IQCK: variants seen among roughly 807,000 people sequenced by gnomAD.
The protein encoded by IQCK is IQ motif containing K.
In IQCK, 29 loss-of-function variants were observed where a neutral mutation model predicts 28.1. The ratio of observed to expected loss-of-function variants is 1.03; its 90% confidence interval spans 0.77 to 1.41. The LOEUF is 1.41. Among genes scored for constraint, IQCK ranks in the 40% most tolerant of loss-of-function variants. The pLI is 0.00. For synonymous variants in IQCK, 113 were observed against 115.1 expected (o/e 0.98, Z 0.12); for missense variants, 359 against 314.7 (o/e 1.14, Z -1.07).
At chr16:19,783,467 C>T (rs748447293) in intron 6 of IQCK, among the ~76,000 whole-genome samples, 9 of 152,170 alleles carry the variant, frequency 5.9e-5, no homozygotes, top group Non-Finnish European at 1.3e-4. Flanking sequence ...CTGATTTAAG[C>T]ACTTTAAGGC....
intron 4 of IQCK, among the ~76,000 whole-genome samples, chr16:19,760,056 G>A (rs2055114467): frequency 6.6e-6 from 1 of 152,186 alleles, no homozygotes; most frequent in South Asian, 2.1e-4. Flanking sequence ...TTGAGCCCAG[G>A]AGTTTGAGGC....
intron 9 of IQCK, among the ~76,000 whole-genome samples, chr16:19,843,949 T>C (rs2056387984): frequency 6.6e-6 from 1 of 152,226 alleles, no homozygotes. Context: ...AATATTCCAT[T>C]GTATGAAGGT....
chr16:19,758,158 C>T (rs961760062), intron 4 of IQCK, among the ~76,000 whole-genome samples: 1 of 152,150 alleles, frequency 6.6e-6, no homozygotes, highest in East Asian at 1.9e-4. Flanking sequence ...GTCTAAATCT[C>T]GCTCTTTAAT....
intron 6 of IQCK, among the ~76,000 whole-genome samples, chr16:19,769,706 G>C (rs2055292082): frequency 6.6e-6 from 1 of 152,208 alleles, no homozygotes; most frequent in African/African-American, 2.4e-5. Flanking sequence ...AAAGGCTTTT[G>C]AGCAGAGGTA....
intron 1 of IQCK, among the ~76,000 whole-genome samples, chr16:19,719,952 C>T (rs1977437278): frequency 6.6e-6 from 1 of 152,008 alleles, no homozygotes; most frequent in Non-Finnish European, 1.5e-5. Context: ...CAATTACAGG[C>T]CTGAGCCACC....
intron 9 of IQCK, among the ~76,000 whole-genome samples, chr16:19,845,423 G>A (rs534035809): frequency 6.6e-6 from 1 of 152,360 alleles, no homozygotes; most frequent in South Asian, 2.1e-4. Context: ...CGGCAGCTGA[G>A]AATGCAGTGA....
At chr16:19,857,558 T>C (rs895517712) in exon 10 of IQCK, 1 of 369,638 alleles carries the variant, frequency 2.7e-6, no homozygotes, top group Admixed American at 4.2e-5. Context: ...TAGCTCTTCA[T>C]CAGTTAATAA....
intron 6 of IQCK, among the ~76,000 whole-genome samples, chr16:19,767,415 AGGGCACCAT>A (rs1039076211): frequency 6.6e-6 from 1 of 152,158 alleles, no homozygotes; most frequent in Non-Finnish European, 1.5e-5. Context: ...AGGAGCCAGA[AGGGCACCAT>A]GGTTTTTCCC....
intron 6 of IQCK, among the ~76,000 whole-genome samples, chr16:19,784,820 G>A (rs1171263516): frequency 6.6e-6 from 1 of 152,192 alleles, no homozygotes; most frequent in African/African-American, 2.4e-5. Flanking sequence ...CCAGGCTGGA[G>A]TGCAGTGGCA....
intron 6 of IQCK, among the ~76,000 whole-genome samples, chr16:19,781,543 G>A (rs2055484590): frequency 6.6e-6 from 1 of 152,182 alleles, no homozygotes; most frequent in Non-Finnish European, 1.5e-5. Context: ...AGCTCTGCAG[G>A]TTTTGGAGCT....
chr16:19,730,249 C>A (rs1977789606), intron 1 of IQCK, among the ~76,000 whole-genome samples, 181 bp from the exon 2 acceptor site: 1 of 152,234 alleles, frequency 6.6e-6, no homozygotes, highest in East Asian at 1.9e-4. Context: ...AGCCACCGCA[C>A]CCGGCCTCTT....
At chr16:19,757,439 G>A (rs1468627806) in intron 4 of IQCK, among the ~76,000 whole-genome samples, 1 of 152,204 alleles carries the variant, frequency 6.6e-6, no homozygotes, top group Non-Finnish European at 1.5e-5. Flanking sequence ...TTGGGAGGCC[G>A]AGGCGGGTAG....
exon 1 of IQCK, chr16:19,718,299 C>T: frequency 1.9e-6 from 3 of 1,600,732 alleles, no homozygotes; most frequent in African/African-American, 1.3e-5. Flanking sequence ...ACCGTGGAAA[C>T]CGCGGCCATG....
intron 4 of IQCK, among the ~76,000 whole-genome samples, chr16:19,737,451 CCT>C (rs2054773980): frequency 6.6e-6 from 1 of 152,174 alleles, no homozygotes; most frequent in Non-Finnish European, 1.5e-5. Context: ...TATACCTCCC[CCT>C]AATTGCCTGC....
At chr16:19,818,304 T>C (rs1476404991) in intron 7 of IQCK, among the ~76,000 whole-genome samples, 1 of 152,250 alleles carries the variant, frequency 6.6e-6, no homozygotes. Flanking sequence ...GACATTAATA[T>C]AGAGCTGATT....
intron 1 of IQCK, among the ~76,000 whole-genome samples, chr16:19,723,988 G>A (rs1330419607): frequency 6.6e-6 from 1 of 150,428 alleles, no homozygotes. Context: ...CAGCTTCCTT[G>A]GCTCCCCTTC....
intron 4 of IQCK, among the ~76,000 whole-genome samples, chr16:19,757,476 C>T (rs948508775): frequency 1.3e-5 from 2 of 152,198 alleles, no homozygotes; most frequent in African/African-American, 4.8e-5. Context: ...AGTTGGAGAC[C>T]AGCCTGGCCA....
intron 9 of IQCK, among the ~76,000 whole-genome samples, chr16:19,838,557 G>T (rs1172690001): frequency 1.3e-5 from 2 of 152,170 alleles, no homozygotes; most frequent in Non-Finnish European, 2.9e-5. Context: ...GCCTTGTCAA[G>T]CTGGGGCCCG....
intron 6 of IQCK, among the ~76,000 whole-genome samples, chr16:19,775,802 G>T (rs2055383924): frequency 6.6e-6 from 1 of 150,786 alleles, no homozygotes; most frequent in Non-Finnish European, 1.5e-5. Flanking sequence ...TGCGGGGGAG[G>T]CAGGGATACG....
Sources: allele counts gnomAD v4.1 joint callset (sites outside exome capture counted in the v4.1 genomes callset), GRCh38; gene constraint gnomAD v4.1.1; transcripts MANE v1.5; gene names NCBI Gene and HGNC (gene_info 2026-07-23, HGNC 2026-07-21).